CACNB2: variants seen among roughly 807,000 people sequenced by gnomAD.
CACNB2 encodes calcium voltage-gated channel auxiliary subunit beta 2, also known as voltage-dependent L-type calcium channel subunit beta-2.
In CACNB2, 42 loss-of-function variants were observed where a neutral mutation model predicts 73.3. The ratio of observed to expected loss-of-function variants is 0.57; its 90% CI spans 0.45 to 0.74. The LOEUF is 0.74. CACNB2 is among the 30% of genes least tolerant of loss of function. The probability of loss-of-function intolerance (pLI) is 0.00; values close to 1 mark genes in which losing one functional copy is unlikely to be tolerated. For missense variants in CACNB2, 940 were observed against 853.0 expected, an observed-to-expected ratio of 1.10 and a Z score of -1.27; for synonymous variants, 348 against 310.3, an observed-to-expected ratio of 1.12 and a Z score of -1.28.
At chr10:18,537,203 G>C (rs1229703366) in intron 12 of CACNB2, among the ~76,000 whole-genome samples, 5 of 151,968 alleles carry the variant, frequency 3.3e-5, no homozygotes, top group South Asian at 2.1e-4. Context: ...GCCCAGGCTG[G>C]TCTCAAACTC....
At position 18,543,173 on chromosome 10, in the gene CACNB2, T is replaced by A. The variant is rs941104046; in HGVS notation, c.*3449T>A. ...TTAGTAGTAGTATTAATTGCCATGT[T>A]AGAAATGATTCATGTAGTTGAGACT... is the stretch of plus-strand genomic sequence containing the variant. On this transcript the variant is annotated 3_prime_UTR_variant, in exon 14 of 14. Transcript: ENST00000324631. 1 of 152,204 alleles carries A rather than the reference T, an allele frequency of 6.6e-6. No individual in the cohort carries two copies. The highest frequency in any genetic ancestry group is 1.5e-5 in the Non-Finnish European group (1 of 68,038). 9.4% of individuals were successfully genotyped at this position (152,204 alleles called of 1,614,324 possible).
At chr10:18,233,026 A>G (rs954804215) in intron 2 of CACNB2, among the ~76,000 whole-genome samples, 6 of 152,204 alleles carry the variant, frequency 3.9e-5, no homozygotes, top group Non-Finnish European at 8.8e-5. Flanking sequence ...TCAAGGCTGC[A>G]GTGAACCATG....
At chr10:18,464,514 T>A (rs2047769191) in intron 3 of CACNB2, among the ~76,000 whole-genome samples, 1 of 151,808 alleles carries the variant, frequency 6.6e-6, no homozygotes, top group South Asian at 2.1e-4. Context: ...ACTTGTATAT[T>A]CACACGGACC....
At chr10:18,346,337 A>G (rs1266370231) in intron 2 of CACNB2, among the ~76,000 whole-genome samples, 1 of 151,754 alleles carries the variant, frequency 6.6e-6, no homozygotes, top group Non-Finnish European at 1.5e-5. Context: ...ACGGGCTTTC[A>G]CCATGTTGGC....
intron 3 of CACNB2, among the ~76,000 whole-genome samples, chr10:18,493,961 A>G (rs1419898808): frequency 1.3e-5 from 2 of 152,182 alleles, no homozygotes; most frequent in East Asian, 1.9e-4. Flanking sequence ...ATATTGAGGA[A>G]TAGGTATCTG....
At chr10:18,410,481 G>A (rs61368411) in intron 3 of CACNB2, among the ~76,000 whole-genome samples, 9,827 of 152,148 alleles carry the variant, frequency 0.065, 829 homozygotes, top group African/African-American at 0.18. Context: ...ACATGTTTAC[G>A]TCCCATCAGC....
intron 2 of CACNB2, among the ~76,000 whole-genome samples, chr10:18,196,174 C>T (rs534043405): frequency 6.6e-6 from 1 of 151,968 alleles, no homozygotes; most frequent in East Asian, 1.9e-4. Context: ...AAGTAAATTG[C>T]TTATAATTAC....
At chr10:18,208,840 C>T (rs2035204944) in intron 2 of CACNB2, among the ~76,000 whole-genome samples, 1 of 151,902 alleles carries the variant, frequency 6.6e-6, no homozygotes, top group South Asian at 2.1e-4. Context: ...AGAGAGAAAG[C>T]CCCTGAACAC....
rs184630488 is a variant in CACNB2 at position 18,264,686 on chromosome 10, C to T, written c.213+113711C>T. ...CATGATATTAACCCACGTGGCTGCACATAGTTAAAGCTGCAATTTCTCGTG... is the reference window on the plus strand; with the variant it reads ...CATGATATTAACCCACGTGGCTGCATATAGTTAAAGCTGCAATTTCTCGTG... On this transcript the variant is annotated intron_variant, in intron 2 of 13. Transcript: ENST00000324631. Among the ~76,000 whole-genome samples the T allele has an allele frequency of 2.6e-5, 4 of 152,330 alleles. No homozygotes were observed. The East Asian group carries it at 5.8e-4, about 22-fold the overall frequency.
chr10:18,459,896 G>A (rs1320642578), intron 3 of CACNB2, among the ~76,000 whole-genome samples: 1 of 152,116 alleles, frequency 6.6e-6, no homozygotes, highest in East Asian at 1.9e-4. Context: ...TACTCGGGAG[G>A]CTGAGGTGAA....
intron 2 of CACNB2, among the ~76,000 whole-genome samples, chr10:18,252,275 T>C (rs1280839326): frequency 6.6e-6 from 1 of 152,228 alleles, no homozygotes; most frequent in Non-Finnish European, 1.5e-5. Context: ...TGTTCATAAG[T>C]TTACACAATG....
At chr10:18,162,039 A>G (rs2032506202) in intron 2 of CACNB2, among the ~76,000 whole-genome samples, 1 of 152,208 alleles carries the variant, frequency 6.6e-6, no homozygotes, top group Non-Finnish European at 1.5e-5. Context: ...GTGTGTCAGT[A>G]CGTGTTCTGT....
At chr10:18,186,122 A>G (rs1466152921) in intron 2 of CACNB2, among the ~76,000 whole-genome samples, 2 of 152,208 alleles carry the variant, frequency 1.3e-5, no homozygotes, top group Non-Finnish European at 2.9e-5. Context: ...TCACATTACT[A>G]TAAAGAAATA....
chr10:18,266,515 AG>A (rs1222703837), intron 2 of CACNB2, among the ~76,000 whole-genome samples: 92 of 145,718 alleles, frequency 6.3e-4, no homozygotes, highest in African/African-American at 2.4e-3. Flanking sequence ...TAGGTAGTAT[AG>A]TTTTTTTTTT....
intron 2 of CACNB2, among the ~76,000 whole-genome samples, chr10:18,216,740 A>G (rs575110761): frequency 6.6e-6 from 1 of 152,192 alleles, no homozygotes; most frequent in African/African-American, 2.4e-5. Context: ...GCTTTTAAAA[A>G]ATCCATTATG....
At chr10:18,441,042 TG>T (rs1433739310) in intron 3 of CACNB2, among the ~76,000 whole-genome samples, 1 of 152,182 alleles carries the variant, frequency 6.6e-6, no homozygotes, top group African/African-American at 2.4e-5. Context: ...GGAACCAGTG[TG>T]GAAGCGGGAA....
chr10:18,340,878 T>G, intron 2 of CACNB2: 1 of 1,614,104 alleles, frequency 6.2e-7, no homozygotes, highest in Non-Finnish European at 8.5e-7. Flanking sequence ...CTTGCTCCTG[T>G]GAAGAAAATT....
At chr10:18,311,983 T>C (rs1190078726) in intron 2 of CACNB2, among the ~76,000 whole-genome samples, 4 of 152,236 alleles carry the variant, frequency 2.6e-5, no homozygotes, top group African/African-American at 9.6e-5. Context: ...TCTATACTTC[T>C]GGGTATGTCA....
At chr10:18,516,301 C>A (rs1378734204) in intron 7 of CACNB2, among the ~76,000 whole-genome samples, 1 of 152,102 alleles carries the variant, frequency 6.6e-6, no homozygotes, top group Non-Finnish European at 1.5e-5. Flanking sequence ...TCATAGGGCA[C>A]AAAGCACCAA....
Sources: gnomAD v4.1 joint callset for allele counts (sites outside exome capture counted in the v4.1 genomes callset) on GRCh38, gnomAD v4.1.1 for gene constraint, MANE v1.5 for transcripts, NCBI Gene and HGNC (gene_info 2026-07-23, HGNC 2026-07-21) for gene names.